LSAMP: variants seen among roughly 807,000 people sequenced by gnomAD.
The protein encoded by LSAMP is limbic system associated membrane protein, also known as limbic system-associated membrane protein.
LSAMP carries 7 observed loss-of-function variants against 38.6 expected under a neutral mutation model. The ratio of observed to expected loss-of-function variants is 0.18; its 90% confidence interval spans 0.10 to 0.34. The LOEUF is 0.34. LSAMP is among the 10% of genes least tolerant of loss of function. LSAMP has a pLI of 1.00. For missense variants in LSAMP, 313 were observed against 420.0 expected, an observed-to-expected ratio of 0.75 and a Z score of 2.23; for synonymous variants, 154 against 166.8, an observed-to-expected ratio of 0.92 and a Z score of 0.59.
At chr3:115,879,822 C>G (rs983486425) in intron 3 of LSAMP, among the ~76,000 whole-genome samples, 3 of 152,104 alleles carry the variant, frequency 2.0e-5, no homozygotes, top group African/African-American at 7.2e-5. Flanking sequence ...CTGGGTACTA[C>G]AAATATAGCC....
intron 3 of LSAMP, among the ~76,000 whole-genome samples, chr3:116,002,034 A>G (rs1349350320): frequency 1.3e-5 from 2 of 152,152 alleles, no homozygotes; most frequent in African/African-American, 4.8e-5. Context: ...CTTTGACTTT[A>G]ACTTTTGAAA....
chr3:116,336,845 G>A (rs967857332), intron 1 of LSAMP, among the ~76,000 whole-genome samples: 9 of 151,750 alleles, frequency 5.9e-5, no homozygotes, highest in African/African-American at 2.2e-4. Flanking sequence ...ATATACCCAT[G>A]TTCACAGTAA....
chr3:116,210,434 G>A (rs1576435250), intron 1 of LSAMP, among the ~76,000 whole-genome samples: 1 of 152,192 alleles, frequency 6.6e-6, no homozygotes, highest in South Asian at 2.1e-4. Flanking sequence ...CTCCATGCTG[G>A]ATGCTTCCTA....
chr3:116,054,547 C>G (rs1657993974), intron 2 of LSAMP, among the ~76,000 whole-genome samples: 2 of 152,164 alleles, frequency 1.3e-5, no homozygotes, highest in African/African-American at 4.8e-5. Context: ...TTCATGGTCT[C>G]TCACAGGTGA....
chr3:116,419,319 T>G (rs952491381), intron 1 of LSAMP, among the ~76,000 whole-genome samples: 1 of 152,242 alleles, frequency 6.6e-6, no homozygotes, highest in African/African-American at 2.4e-5. Context: ...CAGTTAAAAG[T>G]GACATCTTTT....
chr3:116,062,324 C>A (rs936316345), intron 2 of LSAMP, among the ~76,000 whole-genome samples: 1 of 152,124 alleles, frequency 6.6e-6, no homozygotes, highest in Non-Finnish European at 1.5e-5. Flanking sequence ...GCTTGGCCAA[C>A]ATGGTAAAAC....
intron 1 of LSAMP, among the ~76,000 whole-genome samples, chr3:116,432,402 A>G (rs2049293022): frequency 6.6e-6 from 1 of 151,820 alleles, no homozygotes; most frequent in Non-Finnish European, 1.5e-5. Flanking sequence ...GATTAAATAT[A>G]TTCATGATAC....
chr3:116,307,862 G>A (rs999362586), intron 1 of LSAMP, among the ~76,000 whole-genome samples: 22 of 151,812 alleles, frequency 1.4e-4, no homozygotes, highest in Admixed American at 2.6e-4. Flanking sequence ...AAATCTGGCT[G>A]TGTACCTTTG....
intron 6 of LSAMP, among the ~76,000 whole-genome samples, chr3:115,812,096 T>C (rs1334348042): frequency 6.6e-6 from 1 of 152,202 alleles, no homozygotes; most frequent in Non-Finnish European, 1.5e-5. Flanking sequence ...ACAACTACTA[T>C]CATTGCAAAG....
chr3:116,421,546 A>AAC (rs77292054), intron 1 of LSAMP, among the ~76,000 whole-genome samples: 34 of 142,028 alleles, frequency 2.4e-4, no homozygotes, highest in Non-Finnish European at 4.3e-4. Context: ...TTCTGTCTAA[A>AAC]AAAAAAAAAG....
At chr3:116,269,794 A>C (rs1236658290) in intron 1 of LSAMP, among the ~76,000 whole-genome samples, 2 of 152,176 alleles carry the variant, frequency 1.3e-5, no homozygotes, top group Non-Finnish European at 2.9e-5. Flanking sequence ...ATTGATCAAG[A>C]TCACAAATGA....
chr3:116,300,349 C>G (rs185886514), intron 1 of LSAMP, among the ~76,000 whole-genome samples: 6 of 152,282 alleles, frequency 3.9e-5, no homozygotes, highest in Non-Finnish European at 7.4e-5. Context: ...ACACAGAACA[C>G]GAGAAACCAC....
chr3:115,807,700 A>T lies in LSAMP; in HGVS notation c.*2617T>A, dbSNP rs1427709016. On this transcript the variant is annotated 3_prime_UTR_variant, in exon 7 of 7. Transcript: ENST00000490035. ...GCGCTTTTCTAAAGCCACACACTTA[A>T]GTGTGTGACTGCCTCTTCAATTTTT... The T allele has an allele frequency of 6.6e-6, 1 of 152,168 alleles. No individual in the cohort carries two copies. Among genetic ancestry groups the T allele is most frequent in the Admixed American group, 6.5e-5 (1 of 15,280 alleles). 9.4% of individuals were successfully genotyped at this position (152,168 alleles called of 1,614,324 possible).
chr3:116,114,664 AAC>A (rs1708704130), intron 1 of LSAMP, among the ~76,000 whole-genome samples: 1 of 152,222 alleles, frequency 6.6e-6, no homozygotes, highest in Non-Finnish European at 1.5e-5. Context: ...GCTTTTATAA[AAC>A]ACAGTAGTAT....
At chr3:115,915,859 T>C (rs1254158534) in intron 3 of LSAMP, among the ~76,000 whole-genome samples, 1 of 152,046 alleles carries the variant, frequency 6.6e-6, no homozygotes, top group African/African-American at 2.4e-5. Context: ...TCTCAATCTC[T>C]TGACCTCATG....
chr3:115,967,998 T>G (rs937765993), intron 3 of LSAMP, among the ~76,000 whole-genome samples: 4 of 152,084 alleles, frequency 2.6e-5, no homozygotes, highest in Admixed American at 2.0e-4. Context: ...CAGTGAGTAC[T>G]GCCTGGCTAC....
At chr3:116,355,871 A>G (rs976007610) in intron 1 of LSAMP, among the ~76,000 whole-genome samples, 8 of 152,208 alleles carry the variant, frequency 5.3e-5, no homozygotes, top group African/African-American at 4.8e-5. Flanking sequence ...CAAAACTACA[A>G]TGAGATATCA....
Position 115,810,053 on chromosome 3 carries a change from C to T in LSAMP, c.*264G>A, listed in dbSNP as rs191386986. 2.6e-3 allele frequency: 1,008 copies of T among 392,988 alleles called. 2 individuals are homozygous for T. The highest frequency in any genetic ancestry group is 3.4e-3 in the Non-Finnish European group (736 of 216,956). 24.3% of individuals were successfully genotyped at this position (392,988 alleles called of 1,614,324 possible). A position where few individuals can be genotyped will look rare whatever the true frequency, so the allele number is the denominator to read the frequency against. Reference sequence around the variant, plus strand: ...GTAGTCTTTACACAGCATACATTTGCTTAGTAGATATAAACATATCCCAGT... The same window carrying T: ...GTAGTCTTTACACAGCATACATTTGTTTAGTAGATATAAACATATCCCAGT... On this transcript the variant is annotated 3_prime_UTR_variant, in exon 7 of 7. Transcript: ENST00000490035.
chr3:116,420,995 A>G (rs2049115353), intron 1 of LSAMP, among the ~76,000 whole-genome samples: 1 of 152,244 alleles, frequency 6.6e-6, no homozygotes, highest in African/African-American at 2.4e-5. Flanking sequence ...AAAAATATAA[A>G]TTTAGAACCT....
Sources: gnomAD v4.1 joint callset for allele counts (sites outside exome capture counted in the v4.1 genomes callset) on GRCh38, gnomAD v4.1.1 for gene constraint, MANE v1.5 for transcripts, NCBI Gene and HGNC (gene_info 2026-07-23, HGNC 2026-07-21) for gene names.